Variants in CERS1 observed in about 807,000 individuals in gnomAD.
CERS1 encodes the protein Embryonic growth/differentiation factor 1.
CERS1 carries 16 observed loss-of-function variants against 35.7 expected under a neutral mutation model. That is an observed-to-expected ratio of 0.45 (90% confidence interval 0.30 to 0.68). The LOEUF is 0.68. Ranked by LOEUF, CERS1 falls within the 30% of genes least tolerant of loss-of-function variation. The probability of loss-of-function intolerance (pLI) is 0.08; values close to 1 mark genes in which losing one functional copy is unlikely to be tolerated. For missense variants in CERS1, 454 were observed against 453.9 expected, an observed-to-expected ratio of 1.00 and a Z score of 0.00; for synonymous variants, 243 against 201.6, an observed-to-expected ratio of 1.21 and a Z score of -1.74.
At chr19:18,893,689 C>A in intron 1 of CERS1, 114 bp from the exon 2 acceptor site, 1 of 1,101,990 alleles carries the variant, frequency 9.1e-7, no homozygotes, top group Non-Finnish European at 1.3e-6. Flanking sequence ...ACTGGGAAGG[C>A]CTGTCCCCCA....
At chr19:18,892,980 G>A (rs746262494) in intron 2 of CERS1, among the ~76,000 whole-genome samples, 19 of 151,536 alleles carry the variant, frequency 1.3e-4, no homozygotes, top group South Asian at 2.1e-4. Context: ...GCAGTGGCGC[G>A]AACTCGGCTC....
intron 4 of CERS1, 141 bp downstream of exon 4, chr19:18,880,133 C>A: frequency 6.8e-6 from 5 of 732,818 alleles, no homozygotes; most frequent in Admixed American, 3.1e-5. Flanking sequence ...CCACCCAAAT[C>A]ATGAGGCCCC....
Position 18,884,167 on chromosome 19 carries a change from G to A in CERS1, c.510C>T (p.Asp170=). ...GHSIYATLYM[D]TWRKDSVVML... is the part of the protein sequence containing the mutation. Reference sequence around the variant, plus strand: ...TGACCACCGAGTCCTTGCGCCAGGTGTCCATGTATAGCGTAGCGTAGATGG... The same window carrying A: ...TGACCACCGAGTCCTTGCGCCAGGTATCCATGTATAGCGTAGCGTAGATGG... The change falls in exon 3 of 8, where the codon GAC becomes GAT. Residue 170 remains aspartate, a synonymous_variant. Coordinates refer to ENST00000623882, the MANE Select transcript of CERS1 (RefSeq NM_021267.5). The A allele has an allele frequency of 1.9e-6, 3 of 1,613,742 alleles. No individual in the cohort carries two copies. The highest frequency in any genetic ancestry group is 1.1e-5 in the South Asian group (1 of 91,040).
intron 2 of CERS1, among the ~76,000 whole-genome samples, chr19:18,891,474 G>C (rs1601188104): frequency 6.6e-6 from 1 of 152,168 alleles, no homozygotes; most frequent in Admixed American, 6.6e-5. Context: ...TGCCAGGACA[G>C]GTCACACAGA....
At chr19:18,879,202 C>A in intron 5 of CERS1, 39 bp downstream of exon 5, 1 of 1,611,162 alleles carries the variant, frequency 6.2e-7, no homozygotes, top group Non-Finnish European at 8.5e-7. Context: ...GGGACGAGGA[C>A]GGGACCGCCA....
In CERS1 at chr19:18,893,472, T is replaced by C. The variant is rs572903615; in HGVS notation, c.353A>G (p.Tyr118Cys). ...GGGGTAGTCGGTGCCAAACAGCAGGTAGGCACTGTAGCTCCAGCTGCCCAG... is the reference window on the plus strand; with the variant it reads ...GGGGTAGTCGGTGCCAAACAGCAGGCAGGCACTGTAGCTCCAGCTGCCCAG... The part of the protein sequence containing the change: ...FYLGSWSYSA[Y>C]LLFGTDYPFF... Residue 118 changes from tyrosine to cysteine, a missense_variant, in exon 2 of 8, where the codon TAC becomes TGC. By Grantham distance (194) the Tyr-to-Cys change is radical (BLOSUM62 -2). Transcript: ENST00000623882. The C allele has an allele frequency of 1.2e-6, 2 of 1,606,960 alleles. No individual in the cohort carries two copies. The highest frequency in any genetic ancestry group is 8.5e-7 in the Non-Finnish European group (1 of 1,177,044).
Position 18,869,297 on chromosome 19 carries a change from T to C in CERS1, c.*688A>G. On this transcript the variant is annotated 3_prime_UTR_variant, in exon 8 of 8. Coordinates refer to ENST00000623882, the MANE Select transcript of CERS1 (RefSeq NM_021267.5). The stretch of plus-strand genomic sequence containing the variant: ...CTCCAGGCGGGCCCGGCTCGGGCGC[T>C]CAGCGGGTTCCACAGCCGACAGGTC... 1 of 1,513,824 alleles carries C rather than the reference T, an allele frequency of 6.6e-7. No homozygotes were observed. Among genetic ancestry groups the C allele is most frequent in the Non-Finnish European group, 8.8e-7 (1 of 1,138,480 alleles). The allele number at this position is 1,513,824 out of a possible 1,614,324, so 93.8% of individuals were successfully genotyped here.
At chr19:18,871,408 G>C (rs2055968134) in intron 6 of CERS1, among the ~76,000 whole-genome samples, 1 of 149,924 alleles carries the variant, frequency 6.7e-6, no homozygotes, top group Non-Finnish European at 1.5e-5. Context: ...TTTTAGTAGA[G>C]ACAGGGTTTC....
chr19:18,868,793 C>T lies in CERS1; in HGVS notation c.*1192G>A. 6.9e-7 allele frequency: 1 copy of T among 1,459,508 alleles called. No individual in the cohort carries two copies. Among genetic ancestry groups the T allele is most frequent in the East Asian group, 3.2e-5 (1 of 31,706 alleles). 90.4% of individuals were successfully genotyped at this position (1,459,508 alleles called of 1,614,324 possible). ...GTTGAGCGCCGGCGGCCCCCCGGAC[C>T]CCGACAGCGCGACGGGCAGCGCGCA... On this transcript the variant is annotated 3_prime_UTR_variant, in exon 8 of 8. Transcript: ENST00000623882.
rs1256785519 is a variant in CERS1, at chr19:18,878,198, G to A, written c.1010+732C>T. On this transcript the variant is annotated intron_variant, in intron 6 of 7. Coordinates refer to ENST00000623882, the MANE Select transcript of CERS1 (RefSeq NM_021267.5). This position sits in a 1 kb window ranked among gnomAD's most constrained non-coding sequence, Gnocchi z 4.6. ...AGGGCCTTCCACAACCTCCTGCCCC[G>A]GCTCCTGCTCAAACACTCCTCACGT... 2.1e-5 allele frequency: 21 copies of A among 985,494 alleles called. No individual in the cohort carries two copies. Among genetic ancestry groups the A allele is most frequent in the East Asian group, 2.3e-4 (2 of 8,806 alleles). 61.0% of individuals were successfully genotyped at this position (985,494 alleles called of 1,614,324 possible). A position where few individuals can be genotyped will look rare whatever the true frequency, so the allele number is the denominator to read the frequency against.
At chr19:18,881,192 G>A (rs894022895) in intron 3 of CERS1, among the ~76,000 whole-genome samples, 6 of 151,390 alleles carry the variant, frequency 4.0e-5, no homozygotes, top group South Asian at 2.1e-4. Context: ...GGCCTCTGCC[G>A]CAGCCCATCA....
Position 18,869,350 on chromosome 19 carries a change from C to A in CERS1, c.*635G>T, listed in dbSNP as rs1458924719. ...AGACGACTGTCCACTCAGGGCAATG[C>A]CCCGCGGCCGAGGCAGGCTCCGAGG... On this transcript the variant is annotated 3_prime_UTR_variant, in exon 8 of 8. Coordinates refer to ENST00000623882, the MANE Select transcript of CERS1 (RefSeq NM_021267.5). 3.9e-6 allele frequency: 6 copies of A among 1,532,036 alleles called. No individual in the cohort carries two copies. Among genetic ancestry groups the A allele is most frequent in the Non-Finnish European group, 5.2e-6 (6 of 1,146,524 alleles). 94.9% of individuals were successfully genotyped at this position (1,532,036 alleles called of 1,614,324 possible). A position where few individuals can be genotyped will look rare whatever the true frequency, so the allele number is the denominator to read the frequency against.
At chr19:18,873,152 T>C (rs919762771) in intron 6 of CERS1, among the ~76,000 whole-genome samples, 2 of 152,236 alleles carry the variant, frequency 1.3e-5, no homozygotes, top group Non-Finnish European at 2.9e-5. Flanking sequence ...TCAACACCGA[T>C]AGACTAGTGT....
rs755371379 is a variant in CERS1, at chr19:18,893,575, G to T, written c.250C>A (p.Pro84Thr). 12 of 1,606,838 alleles carry T rather than the reference G, an allele frequency of 7.5e-6. No individual in the cohort carries two copies. Among genetic ancestry groups the T allele is most frequent in the Middle Eastern group, 1.7e-4 (1 of 5,864 alleles). ...TGGAGGCAGCACCGCTTCGCCAGGGGCTATGGGGGAGAAGACAGGCGGGCA... is the reference window on the plus strand; with the variant it reads ...TGGAGGCAGCACCGCTTCGCCAGGGTCTATGGGGGAGAAGACAGGCGGGCA... Reference protein sequence around the residue: ...RSAATARLFRPLAKRCCLQPR... With the variant: ...RSAATARLFRTLAKRCCLQPR... Residue 84 changes from proline (P) to threonine (T), a missense_variant and splice_region_variant, in exon 2 of 8, where the codon CCC becomes ACC. Physicochemically the swap from Pro to Thr is conservative, Grantham distance 38. Transcript: ENST00000623882.
chr19:18,872,943 C>A (rs1018498802), intron 6 of CERS1, among the ~76,000 whole-genome samples: 3 of 152,230 alleles, frequency 2.0e-5, no homozygotes, highest in Non-Finnish European at 4.4e-5. Flanking sequence ...AGCCACCATG[C>A]CGGGCCGAGA....
chr19:18,869,257 C>A lies in CERS1; in HGVS notation c.*728G>T, dbSNP rs1223559193. ...CGCCCTCCGGGGCTGCCGCCGCCGC[C>A]GCCGCGAAACGCAGCTCCAGGCGGG... On this transcript the variant is annotated 3_prime_UTR_variant, in exon 8 of 8. Coordinates refer to ENST00000623882, the MANE Select transcript of CERS1 (RefSeq NM_021267.5). 1 of 1,451,554 alleles carries A rather than the reference C, an allele frequency of 6.9e-7. No homozygotes were observed. The allele number at this position is 1,451,554 out of a possible 1,614,324, so 89.9% of individuals were successfully genotyped here. A position where few individuals can be genotyped will look rare whatever the true frequency, so the allele number is the denominator to read the frequency against.
intron 6 of CERS1, among the ~76,000 whole-genome samples, chr19:18,871,369 C>T (rs1016072507): frequency 6.6e-6 from 1 of 151,384 alleles, no homozygotes; most frequent in African/African-American, 2.4e-5. Flanking sequence ...GTGGTGGCAC[C>T]TGCCACCACA....
At position 18,870,483 on chromosome 19, in the gene CERS1, CAG is replaced by C; in HGVS notation, c.*92_*93del. Reference sequence around the variant, plus strand: ...GGAGGTGGCGGCGGCCCTAGAGGAGCAGAGTTGGAGGGGGTGGAGGGGCGGCC... The same window carrying C: ...GGAGGTGGCGGCGGCCCTAGAGGAGCAGTTGGAGGGGGTGGAGGGGCGGCC... On this transcript the variant is annotated 3_prime_UTR_variant, in exon 7 of 8. Coordinates refer to ENST00000623882, the MANE Select transcript of CERS1 (RefSeq NM_021267.5). This position sits in a 1 kb window ranked among gnomAD's most constrained non-coding sequence, Gnocchi z 5.1. 2.4e-6 allele frequency: 1 copy of C among 411,934 alleles called. No homozygotes were observed. Among genetic ancestry groups the C allele is most frequent in the Non-Finnish European group, 4.3e-6 (1 of 234,980 alleles). The allele number at this position is 411,934 out of a possible 1,614,324, so 25.5% of individuals were successfully genotyped here.
At chr19:18,871,828 C>T (rs1206037406) in intron 6 of CERS1, among the ~76,000 whole-genome samples, 1 of 152,170 alleles carries the variant, frequency 6.6e-6, no homozygotes, top group Non-Finnish European at 1.5e-5. Context: ...TCCTTGAGAC[C>T]GTGAGTGGCG....
Sources: allele counts gnomAD v4.1 joint callset (sites outside exome capture counted in the v4.1 genomes callset), GRCh38; gene constraint gnomAD v4.1.1; non-coding constraint Gnocchi (gnomAD v3.1); transcripts MANE v1.5; gene names NCBI Gene and HGNC (gene_info 2026-07-23, HGNC 2026-07-21).